SMAP1: variants seen among roughly 807,000 people sequenced by gnomAD.
The protein encoded by SMAP1 is small ArfGAP 1, also known as stromal membrane-associated protein 1.
SMAP1 carries 24 observed loss-of-function variants against 58.5 expected under a neutral mutation model. The ratio of observed to expected loss-of-function variants is 0.41; its 90% CI spans 0.30 to 0.58. The LOEUF (loss-of-function observed/expected upper bound fraction) is 0.58, where lower values mean the gene tolerates loss of function less well. SMAP1 is among the 20% of genes least tolerant of loss of function. The pLI, the probability that SMAP1 is intolerant of heterozygous loss-of-function variation, is 0.29. For synonymous variants in SMAP1, 216 were observed against 196.6 expected, an observed-to-expected ratio of 1.10 and a Z score of -0.82; for missense variants, 563 against 566.3, an observed-to-expected ratio of 0.99 and a Z score of 0.06.
intron 2 of SMAP1, among the ~76,000 whole-genome samples, chr6:70,737,525 A>G (rs1765663776): frequency 6.6e-6 from 1 of 152,218 alleles, no homozygotes; most frequent in Non-Finnish European, 1.5e-5. Flanking sequence ...CTCTACTTTA[A>G]TAAAAGATTC....
At chr6:70,705,806 C>A (rs1369464352) in intron 1 of SMAP1, among the ~76,000 whole-genome samples, 1 of 152,146 alleles carries the variant, frequency 6.6e-6, no homozygotes, top group Admixed American at 6.5e-5. Context: ...AGGTATAGAT[C>A]AACTTTGCCT....
At chr6:70,757,216 A>G (rs1228110050) in intron 3 of SMAP1, among the ~76,000 whole-genome samples, 28 of 149,006 alleles carry the variant, frequency 1.9e-4, no homozygotes, top group Non-Finnish European at 2.8e-4. Flanking sequence ...ATAACGCCGC[A>G]TATCTACAAC....
intron 1 of SMAP1, among the ~76,000 whole-genome samples, chr6:70,693,169 T>C (rs1378972365): frequency 3.9e-5 from 6 of 152,180 alleles, no homozygotes; most frequent in Non-Finnish European, 7.3e-5. Flanking sequence ...TAGGCTGTTT[T>C]AGAAGATCTG....
chr6:70,850,433 A>T (rs1404572751), intron 7 of SMAP1, among the ~76,000 whole-genome samples: 1 of 152,076 alleles, frequency 6.6e-6, no homozygotes, highest in Admixed American at 6.5e-5. Flanking sequence ...GCTTATATTC[A>T]GCTTGTCACC....
Position 70,840,544 on chromosome 6 carries a change from A to T in SMAP1, c.664+3516A>T, listed in dbSNP as rs144447429. ...TTGTAGTGTGCAAGTAGCCATAAAC[A>T]AACATGTAAATGAATGAGCATGCTT... On this transcript the variant is annotated intron_variant, in intron 7 of 10. Transcript: ENST00000370455. 3.3e-4 allele frequency among the ~76,000 whole-genome samples: 51 copies of T among 152,312 alleles called. No homozygotes were observed. The East Asian group carries it at 9.3e-3, about 28-fold the overall frequency.
At chr6:70,814,118 C>G (rs182662942) in intron 6 of SMAP1, among the ~76,000 whole-genome samples, 1 of 152,210 alleles carries the variant, frequency 6.6e-6, no homozygotes, top group East Asian at 1.9e-4. Context: ...TTTCTAGTCT[C>G]CCTGGTTTGC....
At chr6:70,814,408 A>G (rs533782857) in intron 6 of SMAP1, among the ~76,000 whole-genome samples, 26 of 152,182 alleles carry the variant, frequency 1.7e-4, no homozygotes, top group Non-Finnish European at 3.7e-4. Context: ...CATTGATAGC[A>G]GTGGATGTAA....
intron 1 of SMAP1, among the ~76,000 whole-genome samples, chr6:70,669,273 T>A (rs541181634): frequency 7.9e-5 from 12 of 152,336 alleles, no homozygotes; most frequent in African/African-American, 2.2e-4. Flanking sequence ...TGACTTAGAC[T>A]TTTCCTGAAG....
At chr6:70,743,104 T>G (rs1389812379) in intron 2 of SMAP1, among the ~76,000 whole-genome samples, 1 of 152,216 alleles carries the variant, frequency 6.6e-6, no homozygotes, top group Non-Finnish European at 1.5e-5. Context: ...CTCAGATTGG[T>G]TCATTGTGAT....
At chr6:70,697,597 C>T (rs769348747) in intron 1 of SMAP1, among the ~76,000 whole-genome samples, 5 of 152,260 alleles carry the variant, frequency 3.3e-5, no homozygotes, top group Middle Eastern at 3.4e-3. Context: ...TGAGCCACCA[C>T]GCCTGGCCGC....
intron 1 of SMAP1, among the ~76,000 whole-genome samples, chr6:70,724,577 GATTA>G (rs541477475): frequency 5.1e-4 from 78 of 152,310 alleles, no homozygotes; most frequent in African/African-American, 1.6e-3. Context: ...TTTAGGAAAT[GATTA>G]ATTAAATAGT....
chr6:70,693,298 CTTTTTTTTTTTTT>C (rs55693339), intron 1 of SMAP1, among the ~76,000 whole-genome samples: 21 of 109,632 alleles, frequency 1.9e-4, no homozygotes, highest in African/African-American at 6.7e-4. Context: ...ATGTCATCTT[CTTTTTTTTTTTTT>C]TTTTTTTTTT....
intron 1 of SMAP1, among the ~76,000 whole-genome samples, chr6:70,697,835 C>T (rs936757184): frequency 6.6e-6 from 1 of 152,118 alleles, no homozygotes; most frequent in Non-Finnish European, 1.5e-5. Context: ...CACTTCTTAA[C>T]TTTTGGTTAT....
chr6:70,720,828 T>C (rs1768490272), intron 1 of SMAP1, among the ~76,000 whole-genome samples: 1 of 152,184 alleles, frequency 6.6e-6, no homozygotes, highest in South Asian at 2.1e-4. Flanking sequence ...ATGGGGACCC[T>C]GGGCCCGGCC....
At chr6:70,698,319 C>T (rs1480768492) in intron 1 of SMAP1, among the ~76,000 whole-genome samples, 1 of 151,964 alleles carries the variant, frequency 6.6e-6, no homozygotes. Flanking sequence ...TCTCTTGCTT[C>T]TTTTAGGATC....
intron 1 of SMAP1, among the ~76,000 whole-genome samples, chr6:70,679,365 T>C (rs1192536287): frequency 2.6e-5 from 4 of 152,168 alleles, no homozygotes; most frequent in Non-Finnish European, 5.9e-5. Flanking sequence ...GTATTTAAGA[T>C]GGTATGGGAT....
intron 2 of SMAP1, among the ~76,000 whole-genome samples, chr6:70,741,215 A>G (rs1025001938): frequency 4.6e-5 from 7 of 152,192 alleles, no homozygotes; most frequent in African/African-American, 1.7e-4. Flanking sequence ...TCAAAAGTCC[A>G]TAGTCCAAAG....
chr6:70,747,946 G>A (rs1164411133), intron 2 of SMAP1, among the ~76,000 whole-genome samples: 1 of 151,986 alleles, frequency 6.6e-6, no homozygotes, highest in African/African-American at 2.4e-5. Context: ...TGAATTGTGT[G>A]GTTTATTCTT....
At chr6:70,730,226 A>G (rs961635417) in intron 1 of SMAP1, among the ~76,000 whole-genome samples, 3 of 151,960 alleles carry the variant, frequency 2.0e-5, no homozygotes, top group East Asian at 1.9e-4. Context: ...GTAGTTTTCA[A>G]TTTTTATTAG....
Sources: allele counts gnomAD v4.1 joint callset (sites outside exome capture counted in the v4.1 genomes callset), GRCh38; gene constraint gnomAD v4.1.1; transcripts MANE v1.5; gene names NCBI Gene and HGNC (gene_info 2026-07-23, HGNC 2026-07-21).